The following PALLD variants were observed in gnomAD, a reference collection of about 807,000 sequenced individuals.
The protein encoded by PALLD is palladin, cytoskeletal associated protein, also known as palladin.
Under a neutral mutation model 123.5 loss-of-function variants are expected in PALLD, and 61 were observed. The ratio of observed to expected loss-of-function variants is 0.49; its 90% CI spans 0.40 to 0.61. The LOEUF is 0.61. PALLD is among the 20% of genes least tolerant of loss of function. The pLI is 0.00. For missense variants in PALLD, 1,273 were observed against 1,377.0 expected, an observed-to-expected ratio of 0.92 and a Z score of 1.20; for synonymous variants, 465 against 496.4, an observed-to-expected ratio of 0.94 and a Z score of 0.84.
chr4:168,529,967 TTAG>T (rs140382001), intron 2 of PALLD, among the ~76,000 whole-genome samples: 2 of 152,330 alleles, frequency 1.3e-5, no homozygotes, highest in African/African-American at 4.8e-5. Flanking sequence ...TGTTTCTCTA[TTAG>T]GTTTCCCACC....
chr4:168,531,000 T>G (rs1470632743), intron 2 of PALLD, among the ~76,000 whole-genome samples: 1 of 152,222 alleles, frequency 6.6e-6, no homozygotes, highest in Non-Finnish European at 1.5e-5. Context: ...GAATCCAGTC[T>G]CTGGAAGAAG....
At chr4:168,737,256 A>G (rs1787850906) in intron 10 of PALLD, among the ~76,000 whole-genome samples, 1 of 152,178 alleles carries the variant, frequency 6.6e-6, no homozygotes, top group Non-Finnish European at 1.5e-5. Flanking sequence ...CCTTAAGATA[A>G]CTCAAAGATT....
chr4:168,911,956 T>C (rs1203203755), intron 15 of PALLD, among the ~76,000 whole-genome samples: 1 of 152,122 alleles, frequency 6.6e-6, no homozygotes, highest in African/African-American at 2.4e-5. Context: ...TCCTCATTCT[T>C]CTCCTGTCTG....
intron 9 of PALLD, among the ~76,000 whole-genome samples, chr4:168,710,682 T>G (rs1314516517): frequency 1.3e-5 from 2 of 152,166 alleles, no homozygotes; most frequent in African/African-American, 4.8e-5. Flanking sequence ...GAAACCTAAG[T>G]GTCAGGATCA....
At chr4:168,752,240 G>A (rs559879471) in intron 10 of PALLD, among the ~76,000 whole-genome samples, 71 of 152,350 alleles carry the variant, frequency 4.7e-4, no homozygotes, top group African/African-American at 1.7e-3. Flanking sequence ...TGGGCTTGGC[G>A]GCATGCGCCT....
intron 10 of PALLD, among the ~76,000 whole-genome samples, chr4:168,715,390 G>A (rs1300911390): frequency 1.3e-5 from 2 of 152,156 alleles, no homozygotes; most frequent in East Asian, 1.9e-4. Flanking sequence ...GTGCTTAAAC[G>A]CTGCACAAGA....
intron 10 of PALLD, among the ~76,000 whole-genome samples, chr4:168,732,702 T>C (rs149880699): frequency 3.9e-4 from 59 of 152,342 alleles, no homozygotes; most frequent in African/African-American, 1.3e-3. Flanking sequence ...TCAGTTCTTA[T>C]TCAAGCTGAG....
At chr4:168,704,915 T>C (rs146557905) in intron 8 of PALLD, among the ~76,000 whole-genome samples, 17 of 152,210 alleles carry the variant, frequency 1.1e-4, no homozygotes, top group African/African-American at 4.1e-4. Flanking sequence ...AAATATTTGG[T>C]CAATTTTTTA....
At chr4:168,808,011 A>T (rs1291493856) in intron 10 of PALLD, among the ~76,000 whole-genome samples, 1 of 151,886 alleles carries the variant, frequency 6.6e-6, no homozygotes, top group Non-Finnish European at 1.5e-5. Flanking sequence ...TGGCCCAGAG[A>T]TTTTGTTTTA....
Position 168,878,243 on chromosome 4 carries a change from C to G in PALLD, c.1965-12679C>G, listed in dbSNP as rs1752085380. 2.6e-6 allele frequency: 4 copies of G among 1,522,396 alleles called. No homozygotes were observed. The highest frequency in any genetic ancestry group is 3.5e-6 in the Non-Finnish European group (4 of 1,142,318). The allele number at this position is 1,522,396 out of a possible 1,614,324, so 94.3% of individuals were successfully genotyped here. Reference sequence around the variant, plus strand: ...ACTGCCGCCGCCACCACCGCCGCTCCCGAGCCCGGGACAGGCGTCCCACTG... The same window carrying G: ...ACTGCCGCCGCCACCACCGCCGCTCGCGAGCCCGGGACAGGCGTCCCACTG... On this transcript the variant is annotated intron_variant, in intron 10 of 21. Coordinates refer to ENST00000505667, the MANE Select transcript of PALLD (RefSeq NM_001166108.2).
intron 2 of PALLD, among the ~76,000 whole-genome samples, chr4:168,595,293 C>T (rs1771865197): frequency 6.6e-6 from 1 of 152,090 alleles, no homozygotes; most frequent in Non-Finnish European, 1.5e-5. Context: ...CCCAATGCAG[C>T]TATATTTTGG....
At chr4:168,847,763 A>T (rs2150960607) in intron 10 of PALLD, among the ~76,000 whole-genome samples, 1 of 152,342 alleles carries the variant, frequency 6.6e-6, no homozygotes, top group South Asian at 2.1e-4. Flanking sequence ...ACATCAGGGT[A>T]AATGGGGTAT....
At chr4:168,518,167 A>G (rs11944140) in intron 2 of PALLD, among the ~76,000 whole-genome samples, 112,196 of 151,660 alleles carry the variant, frequency 0.74, 41,713 homozygotes, top group East Asian at 0.86. Context: ...CCCAAGTCCA[A>G]TTCATCCAGC....
chr4:168,822,924 T>G (rs1742926885), intron 10 of PALLD, among the ~76,000 whole-genome samples: 1 of 152,176 alleles, frequency 6.6e-6, no homozygotes, highest in South Asian at 2.1e-4. Context: ...TGTCTTTATA[T>G]CTAATGAAAG....
intron 2 of PALLD, among the ~76,000 whole-genome samples, chr4:168,546,404 T>C (rs1385862716): frequency 1.3e-5 from 2 of 149,614 alleles, no homozygotes; most frequent in African/African-American, 4.9e-5. Flanking sequence ...CTCCCCCAAA[T>C]TACCAGTAAA....
chr4:168,685,619 T>C (rs777548066), intron 6 of PALLD, 60 bp downstream of exon 6: 3 of 1,058,414 alleles, frequency 2.8e-6, no homozygotes, highest in Non-Finnish European at 4.5e-6. Flanking sequence ...TTCATTTACA[T>C]GTGGCTTCGT....
intron 2 of PALLD, among the ~76,000 whole-genome samples, chr4:168,557,798 A>T (rs1253395340): frequency 6.6e-6 from 1 of 152,128 alleles, no homozygotes; most frequent in Non-Finnish European, 1.5e-5. Flanking sequence ...CCCCTACCCC[A>T]GTTAGGACCT....
At chr4:168,550,224 A>T (rs1766588337) in intron 2 of PALLD, among the ~76,000 whole-genome samples, 4 of 152,214 alleles carry the variant, frequency 2.6e-5, no homozygotes. Flanking sequence ...CCTCAGGGCT[A>T]ATCCTAAGTT....
At chr4:168,863,013 C>G (rs1418692276) in intron 10 of PALLD, among the ~76,000 whole-genome samples, 1 of 152,192 alleles carries the variant, frequency 6.6e-6, no homozygotes, top group Non-Finnish European at 1.5e-5. Flanking sequence ...TGCCCTTCAC[C>G]AGAGCTGGGG....
Sources: gnomAD v4.1 joint callset for allele counts (sites outside exome capture counted in the v4.1 genomes callset) on GRCh38, gnomAD v4.1.1 for gene constraint, MANE v1.5 for transcripts, NCBI Gene and HGNC (gene_info 2026-07-23, HGNC 2026-07-21) for gene names.